The following HDAC4 variants were observed in gnomAD, a reference collection of about 807,000 sequenced individuals.
HDAC4 encodes the protein histone deacetylase 4, also known as histone deacetylase A.
In HDAC4, 16 loss-of-function variants were observed where a neutral mutation model predicts 135.1. That is an observed-to-expected ratio of 0.12 (90% CI 0.08 to 0.18). HDAC4 has a LOEUF of 0.18. HDAC4 is among the 10% of genes least tolerant of loss of function. HDAC4 has a pLI of 1.00. For missense variants in HDAC4, 1,143 were observed against 1,511.8 expected, an observed-to-expected ratio of 0.76 and a Z score of 4.05; for synonymous variants, 685 against 653.4, an observed-to-expected ratio of 1.05 and a Z score of -0.74.
At chr2:239,386,482 C>G (rs192860380) in intron 1 of HDAC4, among the ~76,000 whole-genome samples, 4 of 152,126 alleles carry the variant, frequency 2.6e-5, no homozygotes, top group African/African-American at 9.6e-5. Context: ...GGGGGCATCC[C>G]GGGGTGGCCG....
chr2:239,374,058 T>G (rs1694818558), intron 1 of HDAC4, among the ~76,000 whole-genome samples: 1 of 152,170 alleles, frequency 6.6e-6, no homozygotes, highest in Non-Finnish European at 1.5e-5. Context: ...ACAGAGGTAA[T>G]TCAAGCCCCT....
intron 6 of HDAC4, 43 bp downstream of exon 6, chr2:239,163,760 C>T (rs755042407): frequency 4.9e-5 from 79 of 1,602,192 alleles, no homozygotes; most frequent in Admixed American, 8.3e-5. Context: ...GTCCTCTGGG[C>T]CCCCAGAGAG....
chr2:239,360,690 C>T (rs760674234), intron 1 of HDAC4, among the ~76,000 whole-genome samples: 24 of 152,134 alleles, frequency 1.6e-4, no homozygotes, highest in African/African-American at 4.6e-4. Flanking sequence ...GGAGCGGGGA[C>T]GCCCGAGCTC....
intron 6 of HDAC4, among the ~76,000 whole-genome samples, chr2:239,159,549 A>C (rs1371829080): frequency 2.1e-5 from 3 of 141,200 alleles, no homozygotes; most frequent in Non-Finnish European, 4.6e-5. Flanking sequence ...CCACACACAC[A>C]CCCGCATCTC....
chr2:239,065,906 G>A (rs1002349532), intron 24 of HDAC4, among the ~76,000 whole-genome samples: 10 of 152,346 alleles, frequency 6.6e-5, no homozygotes, highest in Admixed American at 3.9e-4. Context: ...CCCTGTAGAC[G>A]GGTTCAGAGG....
chr2:239,300,307 C>T (rs148293744), intron 2 of HDAC4, among the ~76,000 whole-genome samples: 30 of 152,286 alleles, frequency 2.0e-4, no homozygotes, highest in Non-Finnish European at 3.5e-4. Flanking sequence ...CCTGAGAGTG[C>T]GCTGTAGGTA....
At chr2:239,283,634 T>A (rs1293437608) in intron 2 of HDAC4, among the ~76,000 whole-genome samples, 1 of 152,234 alleles carries the variant, frequency 6.6e-6, no homozygotes, top group Non-Finnish European at 1.5e-5. Context: ...TGCATTTGTT[T>A]TAATGTGACT....
rs2033798339 is a variant in HDAC4, at chr2:239,068,383, G to A, written c.2869+106C>T. ...CAGAACCTTGGTCATTAGTAAAAAG[G>A]TGCCCTTCCTTATCTCGTTATTAAA... On this transcript the variant is annotated intron_variant, in intron 23 of 26. Transcript: ENST00000543185. The surrounding 1 kb of genome is among the most constrained non-coding windows in gnomAD (Gnocchi z 4.4). The A allele has an allele frequency of 2.4e-6, 2 of 824,888 alleles. No individual in the cohort carries two copies. The highest frequency in any genetic ancestry group is 4.2e-6 in the Non-Finnish European group (2 of 480,664). 51.1% of individuals were successfully genotyped at this position (824,888 alleles called of 1,614,324 possible). A position where few individuals can be genotyped will look rare whatever the true frequency, so the allele number is the denominator to read the frequency against.
In HDAC4 at chr2:239,173,569, C is replaced by G. The variant is rs553567119; in HGVS notation, c.490+2844G>C. On this transcript the variant is annotated intron_variant, in intron 5 of 26. Transcript: ENST00000543185. ...ATGAGTAAAAAATACAAAGCCCCTA[C>G]AGAAAACATGGCACCTAACAGTAAA... Among the ~76,000 whole-genome samples, 5 of 152,258 alleles carry G rather than the reference C, an allele frequency of 3.3e-5. No individual in the cohort carries two copies. In the East Asian group the frequency reaches 5.8e-4, roughly 18 times the overall value.
At chr2:239,353,365 C>T (rs886792969) in intron 1 of HDAC4, among the ~76,000 whole-genome samples, 11 of 152,170 alleles carry the variant, frequency 7.2e-5, no homozygotes, top group African/African-American at 2.4e-4. Context: ...AACAGTTCGA[C>T]GGAATCATTT....
intron 22 of HDAC4, among the ~76,000 whole-genome samples, chr2:239,078,242 C>G (rs1390964262): frequency 6.6e-6 from 1 of 152,192 alleles, no homozygotes; most frequent in African/African-American, 2.4e-5. Flanking sequence ...TTTTCTCCTA[C>G]GAGTCTCCGG....
chr2:239,320,382 C>CAAAA (rs11343522), intron 2 of HDAC4, among the ~76,000 whole-genome samples: 1 of 61,312 alleles, frequency 1.6e-5, no homozygotes, highest in Admixed American at 1.6e-4. Flanking sequence ...GACTTCATCT[C>CAAAA]AAAAAAAAAA....
chr2:239,344,779 A>G (rs1194932851), intron 2 of HDAC4, among the ~76,000 whole-genome samples: 1 of 152,184 alleles, frequency 6.6e-6, no homozygotes, highest in Non-Finnish European at 1.5e-5. Flanking sequence ...CAAGCAGTAC[A>G]TGGGGATCAA....
chr2:239,395,358 G>A (rs1216383490), intron 1 of HDAC4, among the ~76,000 whole-genome samples: 1 of 152,200 alleles, frequency 6.6e-6, no homozygotes, highest in Non-Finnish European at 1.5e-5. Flanking sequence ...GAGACTGTTT[G>A]TAGGATGGGC....
rs142701762 is a variant in HDAC4 at position 239,236,523 on chromosome 2, G to A, written c.94+70C>T. On this transcript the variant is annotated intron_variant, in intron 3 of 26. Coordinates refer to ENST00000543185, the MANE Select transcript of HDAC4 (RefSeq NM_001378414.1). ...GCCCTCTCTGCACTCCTCCAATAAG[G>A]CAGAGCGTCTGAACACCTCTTTGGC... 3.6e-4 allele frequency: 448 copies of A among 1,255,584 alleles called. No individual in the cohort carries two copies. The African/African-American group carries it at 5.3e-3, about 15-fold the overall frequency. 77.8% of individuals were successfully genotyped at this position (1,255,584 alleles called of 1,614,324 possible). A position where few individuals can be genotyped will look rare whatever the true frequency, so the allele number is the denominator to read the frequency against.
chr2:239,233,477 C>T (rs953050189), intron 3 of HDAC4, among the ~76,000 whole-genome samples: 4 of 151,436 alleles, frequency 2.6e-5, no homozygotes, highest in African/African-American at 9.7e-5. Context: ...AAAAACAAAC[C>T]CAAAATCCAA....
At chr2:239,298,686 A>C in intron 2 of HDAC4, 1 of 919,250 alleles carries the variant, frequency 1.1e-6, no homozygotes, top group Non-Finnish European at 1.3e-6. Context: ...GCACCCAACA[A>C]CGTGGAAATC....
intron 2 of HDAC4, among the ~76,000 whole-genome samples, chr2:239,247,192 C>T (rs1369235042): frequency 6.6e-6 from 1 of 152,236 alleles, no homozygotes; most frequent in Admixed American, 6.5e-5. Flanking sequence ...CCGGGCAAAC[C>T]AAAAGGCCCA....
intron 6 of HDAC4, chr2:239,161,959 C>T (rs1156825111): frequency 2.6e-6 from 1 of 384,686 alleles, no homozygotes; most frequent in African/African-American, 2.1e-5. Context: ...TCCGTCCTCC[C>T]CTCAGGTCCA....
Sources: allele counts gnomAD v4.1 joint callset (sites outside exome capture counted in the v4.1 genomes callset), GRCh38; gene constraint gnomAD v4.1.1; non-coding constraint Gnocchi (gnomAD v3.1); transcripts MANE v1.5; gene names NCBI Gene and HGNC (gene_info 2026-07-23, HGNC 2026-07-21).